MAGI2: variants seen among roughly 807,000 people sequenced by gnomAD.
MAGI2 encodes the protein membrane-associated guanylate kinase, WW and PDZ domain-containing protein 2.
Under a neutral mutation model 133.3 loss-of-function variants are expected in MAGI2, and 35 were observed. That is an observed-to-expected ratio of 0.26 (90% CI 0.20 to 0.35). The LOEUF (loss-of-function observed/expected upper bound fraction) is 0.35, where lower values mean the gene tolerates loss of function less well. MAGI2 is among the 10% of genes least tolerant of loss of function. The pLI is 1.00. For missense variants in MAGI2, 1,636 were observed against 1,863.4 expected, an observed-to-expected ratio of 0.88 and a Z score of 2.25; for synonymous variants, 729 against 710.6, an observed-to-expected ratio of 1.03 and a Z score of -0.41.
At chr7:79,028,263 ATATATG>A (rs1452692260) in intron 1 of MAGI2, among the ~76,000 whole-genome samples, 763 of 23,006 alleles carry the variant, frequency 0.033, 12 homozygotes, top group African/African-American at 0.083. Context: ...ATATATATAT[ATATATG>A]TATGTATGTA....
At chr7:79,444,279 C>T (rs1055373039) in intron 1 of MAGI2, among the ~76,000 whole-genome samples, 6 of 152,158 alleles carry the variant, frequency 3.9e-5, no homozygotes, top group Non-Finnish European at 8.8e-5. Context: ...TCTCTCACCA[C>T]TCCTATTCAA....
chr7:78,684,024 A>C (rs1815990641), intron 2 of MAGI2, among the ~76,000 whole-genome samples: 1 of 152,172 alleles, frequency 6.6e-6, no homozygotes, highest in Admixed American at 6.6e-5. Context: ...CAGAGCTCTG[A>C]ACCCTCTAAT....
At chr7:78,099,574 A>G in intron 20 of MAGI2, among the ~76,000 whole-genome samples, 1 of 152,198 alleles carries the variant, frequency 6.6e-6, no homozygotes, top group East Asian at 1.9e-4. Flanking sequence ...GAACTGTATA[A>G]TGCCATGTGT....
chr7:78,500,905 A>C (rs1218088671), intron 5 of MAGI2, among the ~76,000 whole-genome samples: 1 of 152,144 alleles, frequency 6.6e-6, no homozygotes, highest in African/African-American at 2.4e-5. Flanking sequence ...CTTGGCAACA[A>C]GGCAAAGCCC....
At chr7:78,311,272 G>A (rs1398009691) in intron 9 of MAGI2, among the ~76,000 whole-genome samples, 3 of 152,194 alleles carry the variant, frequency 2.0e-5, no homozygotes, top group African/African-American at 7.2e-5. Flanking sequence ...CAGATCCCAG[G>A]AGCAGTGGGG....
At chr7:79,388,119 T>A (rs35763479) in intron 1 of MAGI2, among the ~76,000 whole-genome samples, 197 of 151,916 alleles carry the variant, frequency 1.3e-3, no homozygotes, top group Non-Finnish European at 2.7e-3. Flanking sequence ...CAAATTCAGA[T>A]CATAATTATA....
chr7:78,546,577 T>C (rs1453509053), intron 3 of MAGI2, among the ~76,000 whole-genome samples: 1 of 152,186 alleles, frequency 6.6e-6, no homozygotes, highest in African/African-American at 2.4e-5. Context: ...AACAATTGAC[T>C]GTGTTGATTA....
intron 6 of MAGI2, among the ~76,000 whole-genome samples, chr7:78,397,365 CTA>C (rs1491477717): frequency 1.9e-5 from 1 of 53,286 alleles, no homozygotes; most frequent in African/African-American, 8.9e-5. Context: ...TTTGAAATTC[CTA>C]CACACACACA....
At chr7:79,381,145 A>AATT (rs10672194) in intron 1 of MAGI2, among the ~76,000 whole-genome samples, 75,905 of 151,308 alleles carry the variant, frequency 0.5, 20,532 homozygotes, top group African/African-American at 0.71. Flanking sequence ...TGCTCAGCTC[A>AATT]GATTAAACTG....
chr7:78,634,843 G>A (rs1809456451), intron 2 of MAGI2, among the ~76,000 whole-genome samples: 1 of 152,086 alleles, frequency 6.6e-6, no homozygotes, highest in Non-Finnish European at 1.5e-5. Flanking sequence ...TTGCTCTTCT[G>A]TTTTGGTTGG....
intron 9 of MAGI2, among the ~76,000 whole-genome samples, chr7:78,288,457 G>A (rs531744481): frequency 4.3e-4 from 66 of 152,130 alleles, no homozygotes; most frequent in African/African-American, 1.3e-3. Flanking sequence ...CCTTCCCTAG[G>A]TTCCTTGTTT....
intron 2 of MAGI2, among the ~76,000 whole-genome samples, chr7:78,941,728 TCACACACACACACACACACACACA>T (rs3068585): frequency 8.1e-6 from 1 of 123,382 alleles, no homozygotes; most frequent in African/African-American, 3.0e-5. Context: ...GCCTATTTCA[TCACACACACACACACACACACACA>T]CACACACACA....
At chr7:78,745,267 TA>T (rs1822815926) in intron 2 of MAGI2, among the ~76,000 whole-genome samples, 1 of 152,208 alleles carries the variant, frequency 6.6e-6, no homozygotes, top group Non-Finnish European at 1.5e-5. Flanking sequence ...CCACAGCTGC[TA>T]AGCGGTAGAG....
At chr7:78,552,683 C>T (rs1189744636) in intron 3 of MAGI2, among the ~76,000 whole-genome samples, 1 of 152,058 alleles carries the variant, frequency 6.6e-6, no homozygotes, top group South Asian at 2.1e-4. Context: ...GTGATTCGTC[C>T]CAGCTACAAT....
chr7:78,565,890 T>C (rs1367917136), intron 3 of MAGI2, among the ~76,000 whole-genome samples: 1 of 152,200 alleles, frequency 6.6e-6, no homozygotes, highest in African/African-American at 2.4e-5. Flanking sequence ...AATTTTGGCA[T>C]CCCGGGCTGC....
intron 2 of MAGI2, among the ~76,000 whole-genome samples, chr7:78,829,984 ATTGT>A (rs935427349): frequency 3.3e-5 from 5 of 152,030 alleles, no homozygotes; most frequent in South Asian, 2.1e-4. Context: ...ACTATAGGAA[ATTGT>A]TTGGTAGCTT....
At chr7:78,778,771 C>A (rs934543243) in intron 2 of MAGI2, among the ~76,000 whole-genome samples, 1 of 152,142 alleles carries the variant, frequency 6.6e-6, no homozygotes, top group Non-Finnish European at 1.5e-5. Flanking sequence ...ATCTTAATTT[C>A]CTCACCTGTA....
intron 2 of MAGI2, among the ~76,000 whole-genome samples, chr7:78,672,747 G>A (rs1334323523): frequency 3.9e-5 from 6 of 152,154 alleles, no homozygotes; most frequent in Admixed American, 1.3e-4. Flanking sequence ...TGGGGCTGTT[G>A]AATCAGAAAC....
At chr7:78,934,565 C>A (rs1019508806) in intron 2 of MAGI2, among the ~76,000 whole-genome samples, 2 of 151,894 alleles carry the variant, frequency 1.3e-5, no homozygotes, top group African/African-American at 4.8e-5. Flanking sequence ...CATAGGTGGC[C>A]GACATGGGGA....
Sources: allele counts gnomAD v4.1 joint callset (sites outside exome capture counted in the v4.1 genomes callset), GRCh38; gene constraint gnomAD v4.1.1; transcripts MANE v1.5; gene names NCBI Gene and HGNC (gene_info 2026-07-23, HGNC 2026-07-21).